The following ANAPC10 variants were observed in gnomAD, a reference collection of about 807,000 sequenced individuals.
The protein encoded by ANAPC10 is anaphase promoting complex subunit 10.
A neutral mutation model predicts 22.0 loss-of-function variants in ANAPC10; 12 were observed. The ratio of observed to expected loss-of-function variants is 0.55; its 90% CI spans 0.35 to 0.88. The LOEUF is 0.88. Among genes scored for constraint, ANAPC10 ranks in the 40% least tolerant of loss-of-function variants. The probability of loss-of-function intolerance (pLI) is 0.01; values close to 1 mark genes in which losing one functional copy is unlikely to be tolerated. For synonymous variants in ANAPC10, 65 were observed against 69.5 expected (o/e 0.94, Z 0.32); for missense variants, 188 against 220.9 (o/e 0.85, Z 0.94).
chr4:145,055,766 C>T (rs1331441853), intron 4 of ANAPC10, among the ~76,000 whole-genome samples: 5 of 151,938 alleles, frequency 3.3e-5, no homozygotes, highest in African/African-American at 1.2e-4. Flanking sequence ...AAGGGGGAAA[C>T]TGGGAGTTGT....
rs1260333599 is a variant in ANAPC10 at position 145,031,082 on chromosome 4, A to G, written c.327+33490T>C. On this transcript the variant is annotated intron_variant, in intron 4 of 4. Transcript: ENST00000507656. ...TGCCTTTTTCTCCATTCCTGTCCAT[A>G]AGGCCCACCAGAAGCAATTTGCCTT... is the stretch of plus-strand genomic sequence containing the variant. Among the ~76,000 whole-genome samples, 4 of 152,206 alleles carry G rather than the reference A, an allele frequency of 2.6e-5. No homozygotes were observed. In the East Asian group the frequency reaches 7.7e-4, roughly 29 times the overall value.
At chr4:145,079,856 A>G (rs150588124) in intron 3 of ANAPC10, among the ~76,000 whole-genome samples, 219 of 152,194 alleles carry the variant, frequency 1.4e-3, no homozygotes, top group African/African-American at 5.0e-3. Flanking sequence ...GCTCACACGT[A>G]TAATCCCAGC....
intron 1 of ANAPC10, chr4:145,097,554 T>G (rs1748761062): frequency 2.3e-6 from 3 of 1,286,738 alleles, no homozygotes; most frequent in Non-Finnish European, 3.0e-6. Context: ...CACAAGCACT[T>G]GATACTTACT....
chr4:145,019,874 A>G (rs1735724546), intron 4 of ANAPC10, among the ~76,000 whole-genome samples: 1 of 152,154 alleles, frequency 6.6e-6, no homozygotes, highest in South Asian at 2.1e-4. Context: ...CACCCCTCCC[A>G]GCTTAAATCA....
At position 144,995,277 on chromosome 4, in the gene ANAPC10, T is replaced by C. The variant is rs149781527; in HGVS notation, c.*96A>G. On this transcript the variant is annotated 3_prime_UTR_variant, in exon 5 of 5. Coordinates refer to ENST00000507656, the MANE Select transcript of ANAPC10 (RefSeq NM_001256706.2). ...ATTTTTAAACATATACAAAATTAGA[T>C]ATAACGGATGCCTTGTTCAATAAAG... is the stretch of plus-strand genomic sequence containing the variant. The C allele has an allele frequency of 4.3e-5, 29 of 669,378 alleles. No individual in the cohort carries two copies. The East Asian group carries it at 8.0e-4, about 18-fold the overall frequency. 41.5% of individuals were successfully genotyped at this position (669,378 alleles called of 1,614,324 possible).
chr4:145,023,653 A>C (rs1051168363), intron 4 of ANAPC10, among the ~76,000 whole-genome samples: 2 of 152,216 alleles, frequency 1.3e-5, no homozygotes, highest in African/African-American at 4.8e-5. Context: ...ATAGCATTAC[A>C]TCTAAGAAAA....
intron 2 of ANAPC10, among the ~76,000 whole-genome samples, chr4:145,092,242 T>C (rs1449545063): frequency 3.3e-5 from 5 of 152,128 alleles, no homozygotes; most frequent in Non-Finnish European, 5.9e-5. Context: ...GATAAGTTGA[T>C]AGGTGCAGCA....
chr4:145,055,316 G>A (rs1741885233), intron 4 of ANAPC10, among the ~76,000 whole-genome samples: 1 of 152,202 alleles, frequency 6.6e-6, no homozygotes, highest in African/African-American at 2.4e-5. Flanking sequence ...CCAGCACTTT[G>A]AGAGGCCGAG....
intron 4 of ANAPC10, among the ~76,000 whole-genome samples, chr4:145,028,931 C>T (rs146527216): frequency 0.028 from 4,259 of 152,262 alleles, 101 homozygotes; most frequent in Middle Eastern, 0.075. Context: ...TCTGCTAAGA[C>T]TGCCCTAAGT....
intron 4 of ANAPC10, among the ~76,000 whole-genome samples, chr4:145,056,791 T>C (rs556413190): frequency 6.6e-6 from 1 of 152,318 alleles, no homozygotes; most frequent in South Asian, 2.1e-4. Context: ...CAGTATGTTT[T>C]CCTTATAAGA....
intron 2 of ANAPC10, among the ~76,000 whole-genome samples, chr4:145,082,296 C>T (rs1056331068): frequency 6.6e-6 from 1 of 152,178 alleles, no homozygotes; most frequent in Non-Finnish European, 1.5e-5. Context: ...ATTACAGGCA[C>T]ACGCCACCAC....
At chr4:145,020,862 A>C (rs1036303323) in intron 4 of ANAPC10, among the ~76,000 whole-genome samples, 1 of 152,038 alleles carries the variant, frequency 6.6e-6, no homozygotes, top group Non-Finnish European at 1.5e-5. Context: ...AAAAAGACAA[A>C]GAAAAAAACT....
Position 144,994,928 on chromosome 4 carries a change from A to G in ANAPC10, c.*445T>C, listed in dbSNP as rs1225741794. The G allele has an allele frequency of 6.5e-6, 1 of 153,676 alleles. No individual in the cohort carries two copies. Among genetic ancestry groups the G allele is most frequent in the African/African-American group, 2.4e-5 (1 of 41,468 alleles). 9.5% of individuals were successfully genotyped at this position (153,676 alleles called of 1,614,324 possible). A position where few individuals can be genotyped will look rare whatever the true frequency, so the allele number is the denominator to read the frequency against. ...TTAAAAGAATAACCTTCCTCTGGGT[A>G]GAAAAAATAGTAATTTTGACCTATT... On this transcript the variant is annotated 3_prime_UTR_variant, in exon 5 of 5. Coordinates refer to ENST00000507656, the MANE Select transcript of ANAPC10 (RefSeq NM_001256706.2).
At chr4:145,059,985 G>A (rs929387798) in intron 4 of ANAPC10, among the ~76,000 whole-genome samples, 10 of 152,020 alleles carry the variant, frequency 6.6e-5, no homozygotes, top group African/African-American at 1.9e-4. Flanking sequence ...AATTTCTCTT[G>A]AATAACATGA....
chr4:145,079,540 A>G (rs192141357), intron 3 of ANAPC10, among the ~76,000 whole-genome samples: 1,672 of 152,354 alleles, frequency 0.011, 12 homozygotes, highest in Non-Finnish European at 0.018. Flanking sequence ...ATATATCCAA[A>G]GGGATTTAAA....
At chr4:145,014,803 G>A (rs1471552418) in intron 4 of ANAPC10, among the ~76,000 whole-genome samples, 1 of 152,154 alleles carries the variant, frequency 6.6e-6, no homozygotes, top group Non-Finnish European at 1.5e-5. Context: ...GAGGCTGGTA[G>A]ACTTGCTGGA....
chr4:145,063,510 T>C (rs904683170), intron 4 of ANAPC10, among the ~76,000 whole-genome samples: 2 of 151,968 alleles, frequency 1.3e-5, no homozygotes, highest in African/African-American at 4.8e-5. Context: ...AAACACTAAG[T>C]CAAATAAGAG....
chr4:145,059,861 AT>A (rs747479844), intron 4 of ANAPC10, among the ~76,000 whole-genome samples: 56 of 152,202 alleles, frequency 3.7e-4, no homozygotes, highest in Middle Eastern at 3.4e-3. Flanking sequence ...TAAAAAAAAA[AT>A]CTCACACATT....
At chr4:145,026,910 C>A in intron 4 of ANAPC10, among the ~76,000 whole-genome samples, 2 of 59,210 alleles carry the variant, frequency 3.4e-5, no homozygotes, top group Non-Finnish European at 6.9e-5. Context: ...GAAGTTTTTG[C>A]CTATACATAC....
Sources: allele counts gnomAD v4.1 joint callset (sites outside exome capture counted in the v4.1 genomes callset), GRCh38; gene constraint gnomAD v4.1.1; transcripts MANE v1.5; gene names NCBI Gene and HGNC (gene_info 2026-07-23, HGNC 2026-07-21).